Variants in ALG9 observed in about 807,000 individuals in gnomAD.
ALG9 encodes alpha-1,2-mannosyltransferase ALG9.
A neutral mutation model predicts 81.8 loss-of-function variants in ALG9; 55 were observed. The observed-to-expected ratio is 0.67, with a 90% CI of 0.54 to 0.84. The LOEUF (loss-of-function observed/expected upper bound fraction) is 0.84. Ranked by LOEUF, ALG9 falls within the 40% of genes least tolerant of loss-of-function variation. The probability of loss-of-function intolerance (pLI) is 0.00; values close to 1 mark genes in which losing one functional copy is unlikely to be tolerated. For missense variants in ALG9, 629 were observed against 745.0 expected (o/e 0.84, Z 1.81); for synonymous variants, 278 against 274.3 (o/e 1.01, Z -0.13).
chr11:111,840,556 T>C (rs1956063972), intron 10 of ALG9, 99 bp downstream of exon 10: 13 of 1,385,320 alleles, frequency 9.4e-6, no homozygotes, highest in Non-Finnish European at 1.3e-5. Context: ...GGATAAAATA[T>C]CTTAGGTGGA....
At chr11:111,852,890 C>G (rs1958045545) in intron 8 of ALG9, among the ~76,000 whole-genome samples, 1 of 143,916 alleles carries the variant, frequency 6.9e-6, no homozygotes, top group Non-Finnish European at 1.5e-5. Flanking sequence ...TGCAGGGAGC[C>G]AAGATCGCGC....
chr11:111,804,048 G>A (rs954219570), intron 14 of ALG9, among the ~76,000 whole-genome samples: 1 of 150,600 alleles, frequency 6.6e-6, no homozygotes, highest in Admixed American at 6.6e-5. Flanking sequence ...CAGCAGAATC[G>A]CTTGAACCTG....
intron 14 of ALG9, among the ~76,000 whole-genome samples, chr11:111,806,221 C>G (rs1280014768): frequency 6.6e-6 from 1 of 152,094 alleles, no homozygotes; most frequent in African/African-American, 2.4e-5. Flanking sequence ...CTGACACCCA[C>G]CACCAGATAT....
chr11:111,845,132 A>G (rs1416880029), intron 8 of ALG9: 4 of 190,894 alleles, frequency 2.1e-5, no homozygotes, highest in Non-Finnish European at 3.3e-5. Context: ...ACCAAAGGAA[A>G]GAGTGATAAA....
downstream of ALG9, among the ~76,000 whole-genome samples, chr11:111,779,599 C>A (rs1386739553): frequency 6.6e-6 from 1 of 152,082 alleles, no homozygotes; most frequent in African/African-American, 2.4e-5. Flanking sequence ...GATCCTCCCA[C>A]CTCAGCCTCC....
chr11:111,809,539 C>CAT, intron 14 of ALG9, 104 bp downstream of exon 14: 1 of 1,378,982 alleles, frequency 7.3e-7, no homozygotes. Flanking sequence ...CACACACACA[C>CAT]GATGGCTACT....
chr11:111,856,235 CCACTGCA>C (rs1233752420), intron 6 of ALG9, among the ~76,000 whole-genome samples: 1 of 146,946 alleles, frequency 6.8e-6, no homozygotes, highest in Non-Finnish European at 1.5e-5. Context: ...CAAGATCGTG[CCACTGCA>C]CTCCAGCCTG....
intron 1 of ALG9, 149 bp from the exon 2 acceptor site, chr11:111,870,519 G>GT (rs1236356562): frequency 2.7e-6 from 3 of 1,124,550 alleles, no homozygotes; most frequent in African/African-American, 3.3e-5. Flanking sequence ...ATAGCTAGTT[G>GT]TTTTTTCTCA....
chr11:111,838,744 G>A (rs1280560430), intron 10 of ALG9, among the ~76,000 whole-genome samples: 1 of 151,940 alleles, frequency 6.6e-6, no homozygotes, highest in Non-Finnish European at 1.5e-5. Context: ...TTGATATAAT[G>A]AGTACTAATC....
chr11:111,854,564 C>T (rs181824915), intron 6 of ALG9, among the ~76,000 whole-genome samples: 240 of 152,282 alleles, frequency 1.6e-3, no homozygotes, highest in African/African-American at 5.5e-3. Flanking sequence ...AGCCACCACG[C>T]CTGGCCCCAT....
chr11:111,841,847 A>C (rs1330868821), intron 9 of ALG9, among the ~76,000 whole-genome samples: 1 of 152,214 alleles, frequency 6.6e-6, no homozygotes, highest in African/African-American at 2.4e-5. Context: ...ATTTTAGATA[A>C]TAATTTAGAA....
Position 111,809,640 on chromosome 11 carries a change from T to C in ALG9, c.1733+3A>G. 6.2e-7 allele frequency: 1 copy of C among 1,614,002 alleles called. No homozygotes were observed. The highest frequency in any genetic ancestry group is 8.5e-7 in the Non-Finnish European group (1 of 1,179,912). On this transcript the variant is annotated splice_donor_region_variant and intron_variant, in intron 14 of 14. Transcript: ENST00000616540. ...AATATCCCATAGGATTAAAGCCACA[T>C]ACCTAGAAGCATCAAGGAATGGTCT...
the ALG9 span, among the ~76,000 whole-genome samples, chr11:111,770,214 C>T: frequency 6.6e-6 from 1 of 152,176 alleles, no homozygotes; most frequent in Non-Finnish European, 1.5e-5. Context: ...GATTTCTGGC[C>T]TCCAACCCAG....
chr11:111,834,529 T>C (rs1302534019), intron 13 of ALG9, among the ~76,000 whole-genome samples: 2 of 152,220 alleles, frequency 1.3e-5, no homozygotes, highest in Non-Finnish European at 2.9e-5. Flanking sequence ...GTAGGTGCCA[T>C]TTTACAGACA....
intron 14 of ALG9, among the ~76,000 whole-genome samples, chr11:111,802,117 A>G (rs1949215614): frequency 6.6e-6 from 1 of 151,820 alleles, no homozygotes; most frequent in Admixed American, 6.6e-5. Context: ...CTTTCCCCCA[A>G]CTTCCCTCCT....
the ALG9 span, among the ~76,000 whole-genome samples, chr11:111,770,794 G>A: frequency 6.6e-6 from 1 of 152,184 alleles, no homozygotes; most frequent in Admixed American, 6.5e-5. Context: ...TGGCACTGAG[G>A]TATTTCCATA....
chr11:111,806,514 T>C (rs1377821256), intron 14 of ALG9, among the ~76,000 whole-genome samples: 1 of 152,206 alleles, frequency 6.6e-6, no homozygotes, highest in Admixed American at 6.5e-5. Context: ...TCTCCTCTCC[T>C]GGGTTTCCTA....
At chr11:111,798,915 C>T (rs1948692007) in intron 14 of ALG9, among the ~76,000 whole-genome samples, 2 of 152,216 alleles carry the variant, frequency 1.3e-5, no homozygotes, top group African/African-American at 4.8e-5. Context: ...AGTGAACGAA[C>T]ATCTGGGCTG....
intron 13 of ALG9, among the ~76,000 whole-genome samples, chr11:111,818,099 A>C (rs1192280128): frequency 6.6e-6 from 1 of 152,154 alleles, no homozygotes; most frequent in African/African-American, 2.4e-5. Flanking sequence ...TTTCAAATGA[A>C]ACCAGTGACA....
Sources: allele counts gnomAD v4.1 joint callset (sites outside exome capture counted in the v4.1 genomes callset), GRCh38; gene constraint gnomAD v4.1.1; transcripts MANE v1.5; gene names NCBI Gene and HGNC (gene_info 2026-07-23, HGNC 2026-07-21).